Variants in PHLDB1 observed in about 807,000 individuals in gnomAD.
PHLDB1 encodes the protein pleckstrin homology like domain family B member 1.
Under a neutral mutation model 139.3 loss-of-function variants are expected in PHLDB1, and 65 were observed. The ratio of observed to expected loss-of-function variants is 0.47; its 90% CI spans 0.38 to 0.57. The LOEUF is 0.57. PHLDB1 is among the 20% of genes least tolerant of loss of function. PHLDB1 has a pLI of 0.00. For synonymous variants in PHLDB1, 679 were observed against 734.5 expected (o/e 0.92, Z 1.22); for missense variants, 1,624 against 1,839.7 (o/e 0.88, Z 2.14).
At chr11:118,639,909 G>A (rs1409005010) in intron 12 of PHLDB1, 2 of 986,126 alleles carry the variant, frequency 2.0e-6, no homozygotes, top group East Asian at 2.3e-4. Context: ...GGGGACTAAG[G>A]CTCTGGGCCT....
At chr11:118,616,002 T>C in intron 3 of PHLDB1, 39 bp from the exon 4 acceptor site, 1 of 1,571,146 alleles carries the variant, frequency 6.4e-7, no homozygotes. Flanking sequence ...CTCCTCAGCC[T>C]GGACAACCCC....
At position 118,644,069 on chromosome 11, in the gene PHLDB1, C is replaced by T. The variant is rs1400991075; in HGVS notation, c.3019-3C>T. Reference sequence around the variant, plus strand: ...CAGGTCCGAACTCTCCATTCCTCTGCAGAGCGCTCTACTCACCCAGAATGG... The same window carrying T: ...CAGGTCCGAACTCTCCATTCCTCTGTAGAGCGCTCTACTCACCCAGAATGG... On this transcript the variant is annotated splice_polypyrimidine_tract_variant and splice_region_variant and intron_variant, in intron 14 of 22. Coordinates refer to ENST00000600882, the MANE Select transcript of PHLDB1 (RefSeq NM_001144758.3). The T allele has an allele frequency of 2.5e-6, 4 of 1,613,246 alleles. No individual in the cohort carries two copies. In the Admixed American group the frequency reaches 5.0e-5, roughly 20 times the overall value.
rs529633155 is a variant in PHLDB1 at position 118,638,276 on chromosome 11, T to C, written c.2536-615T>C. 7.8e-4 allele frequency among the ~76,000 whole-genome samples: 119 copies of C among 152,330 alleles called. 1 individual carries two copies. The highest frequency in any genetic ancestry group is 3.9e-4 in the East Asian group (2 of 5,190). On this transcript the variant is annotated intron_variant, in intron 10 of 22. Transcript: ENST00000600882. ...AGCCCCGAATGCCTGGTAAGGAGTT[T>C]GTGCTTTATCCTGTGTGTAATGAGG...
rs1555081109 is a variant in PHLDB1, at chr11:118,608,843, C to G, written c.-22+1144C>G. On this transcript the variant is annotated intron_variant, in intron 1 of 22. Transcript: ENST00000600882. This position sits in a 1 kb window ranked among gnomAD's most constrained non-coding sequence, Gnocchi z 6.7. ...AAAGCGCCCCGCGCTCACGCAGCCC[C>G]TCACACCCGCAGCCCCGCTTACACG... is the stretch of plus-strand genomic sequence containing the variant. Among the ~76,000 whole-genome samples, 1 of 151,932 alleles carries G rather than the reference C, an allele frequency of 6.6e-6. No individual in the cohort carries two copies. The highest frequency in any genetic ancestry group is 1.5e-5 in the Non-Finnish European group (1 of 67,958).
intron 18 of PHLDB1, 106 bp downstream of exon 18, chr11:118,648,182 C>T: frequency 8.7e-7 from 1 of 1,150,918 alleles, no homozygotes; most frequent in Non-Finnish European, 1.2e-6. Context: ...CTGTTCTACT[C>T]CAGAAAAGAT....
Position 118,632,782 on chromosome 11 carries a change from T to C in PHLDB1, c.2379+486T>C. 1 of 832,906 alleles carries C rather than the reference T, an allele frequency of 1.2e-6. No homozygotes were observed. The highest frequency in any genetic ancestry group is 1.5e-6 in the Non-Finnish European group (1 of 687,448). The allele number at this position is 832,906 out of a possible 1,614,324, so 51.6% of individuals were successfully genotyped here. A position where few individuals can be genotyped will look rare whatever the true frequency, so the allele number is the denominator to read the frequency against. ...TGCAGCCTCCCATCCCAGGTGATCC[T>C]AGCTCCTGCCCCTGCCCCTTTCAGA... On this transcript the variant is annotated intron_variant, in intron 9 of 22. Transcript: ENST00000600882. The surrounding 1 kb of genome is among the most constrained non-coding windows in gnomAD (Gnocchi z 5.9).
chr11:118,613,436 G>A, intron 1 of PHLDB1: 1 of 994,064 alleles, frequency 1.0e-6, no homozygotes, highest in Non-Finnish European at 1.2e-6. Flanking sequence ...CTTCCTTGCT[G>A]CTTCTCCCAC....
Position 118,608,398 on chromosome 11 carries a change from C to T in PHLDB1, c.-22+699C>T, listed in dbSNP as rs751447179. On this transcript the variant is annotated intron_variant, in intron 1 of 22. Coordinates refer to ENST00000600882, the MANE Select transcript of PHLDB1 (RefSeq NM_001144758.3). This position sits in a 1 kb window ranked among gnomAD's most constrained non-coding sequence, Gnocchi z 6.7. Reference sequence around the variant, plus strand: ...CGGAGTTCCCCGAGCGGAGGCTGACCCAAGTCATCCGGGCTCCCCCGGGAT... The same window carrying T: ...CGGAGTTCCCCGAGCGGAGGCTGACTCAAGTCATCCGGGCTCCCCCGGGAT... Among the ~76,000 whole-genome samples, 22 of 152,306 alleles carry T rather than the reference C, an allele frequency of 1.4e-4. No individual in the cohort carries two copies. The highest frequency in any genetic ancestry group is 2.4e-4 in the Non-Finnish European group (16 of 68,018).
In PHLDB1 at chr11:118,632,161, C is replaced by A; in HGVS notation, c.2244C>A (p.Ala748=). The change falls in exon 9 of 23, where the codon GCC becomes GCA. Residue 748 remains alanine, a splice_region_variant and synonymous_variant. Transcript: ENST00000600882. This position sits in a 1 kb window ranked among gnomAD's most constrained non-coding sequence, Gnocchi z 5.9. ...EQQLQESARE[A]EMERALLQGE... ...GGGACCCTGGTGTCTGCCCCCAGGC[C>A]GAAATGGAGCGGGCACTGCTGCAGG... 6.2e-7 allele frequency: 1 copy of A among 1,613,964 alleles called. No homozygotes were observed. Among genetic ancestry groups the A allele is most frequent in the South Asian group, 1.1e-5 (1 of 91,072 alleles).
In PHLDB1 at chr11:118,657,890, G is replaced by A. The variant is rs7104850; in HGVS notation, c.*1067G>A. ...ACCAGGCCTCCAGCTGTCTGGCCTCGCCCTTCACGCCTTAACACTAAGCCC... is the reference window on the plus strand; with the variant it reads ...ACCAGGCCTCCAGCTGTCTGGCCTCACCCTTCACGCCTTAACACTAAGCCC... On this transcript the variant is annotated 3_prime_UTR_variant, in exon 23 of 23. Coordinates refer to ENST00000600882, the MANE Select transcript of PHLDB1 (RefSeq NM_001144758.3). 3.4e-4 allele frequency: 61 copies of A among 177,868 alleles called. No individual in the cohort carries two copies. The highest frequency in any genetic ancestry group is 9.2e-4 in the East Asian group (6 of 6,546). The allele number at this position is 177,868 out of a possible 1,614,324, so 11.0% of individuals were successfully genotyped here.
chr11:118,643,385 T>C, intron 13 of PHLDB1: 1 of 289,994 alleles, frequency 3.4e-6, no homozygotes, highest in Non-Finnish European at 5.2e-6. Context: ...AGTCTAGTCC[T>C]ACCCCCTTCT....
chr11:118,641,902 C>T (rs538165114), intron 12 of PHLDB1: 13 of 715,584 alleles, frequency 1.8e-5, no homozygotes, highest in Non-Finnish European at 2.4e-5. Context: ...TGCCCAGTGC[C>T]TGCAGGCTCT....
intron 20 of PHLDB1, chr11:118,651,785 CAAA>C (rs57871676): frequency 1.4e-4 from 17 of 118,330 alleles, no homozygotes; most frequent in Non-Finnish European, 1.8e-4. Context: ...GACGCCGTCT[CAAA>C]AAAAAAAAAA....
In PHLDB1 at chr11:118,639,218, G is replaced by C; in HGVS notation, c.2703G>C (p.Arg901Ser). 2 of 1,614,114 alleles carry C rather than the reference G, an allele frequency of 1.2e-6. No homozygotes were observed. Among genetic ancestry groups the C allele is most frequent in the Non-Finnish European group, 1.7e-6 (2 of 1,179,958 alleles). The change falls in exon 12 of 23, where the codon AGG becomes AGC. Residue 901 changes from arginine to serine, a missense_variant. Transcript: ENST00000600882. ...GATACCACTCACTCACAGGGGGCAG[G>C]CCTTTCCCGAAGACCACATCGACCC... Reference protein sequence around the residue: ...ERRYHSLTGGRPFPKTTSTLK... With the variant: ...ERRYHSLTGGSPFPKTTSTLK...
upstream of PHLDB1, chr11:118,607,446 T>G (rs1591400715): frequency 2.0e-5 from 2 of 100,582 alleles, no homozygotes; most frequent in Admixed American, 1.2e-4. Context: ...CTGGGGGAGG[T>G]GCTGCTGTGG....
intron 12 of PHLDB1, chr11:118,641,969 C>T (rs1946604804): frequency 1.8e-6 from 1 of 550,454 alleles, no homozygotes; most frequent in East Asian, 3.6e-5. Context: ...GGAAGTTGTA[C>T]CCTGACTGTT....
In PHLDB1 at chr11:118,608,036, C is replaced by T. The variant is rs1207496054; in HGVS notation, c.-22+337C>T. ...GCCGGCACCCAGGCGGCCGGGCGGA[C>T]ACTCGCGGGGTATCGGGCGGCGAGC... On this transcript the variant is annotated intron_variant, in intron 1 of 22. Transcript: ENST00000600882. This position sits in a 1 kb window ranked among gnomAD's most constrained non-coding sequence, Gnocchi z 6.7. Among the ~76,000 whole-genome samples the T allele has an allele frequency of 6.6e-6, 1 of 152,104 alleles. No homozygotes were observed. Among genetic ancestry groups the T allele is most frequent in the Non-Finnish European group, 1.5e-5 (1 of 67,974 alleles).
At position 118,644,224 on chromosome 11, in the gene PHLDB1, TA is replaced by T. The variant is rs781943278; in HGVS notation, c.3121+51del. On this transcript the variant is annotated intron_variant, in intron 15 of 22. Coordinates refer to ENST00000600882, the MANE Select transcript of PHLDB1 (RefSeq NM_001144758.3). ...CCTGCTCTCCTGAGGGGACCCTGGG[TA>T]GTTGCCATGCCTCCTCTATGCTCAC... 10 of 1,300,278 alleles carry T rather than the reference TA, an allele frequency of 7.7e-6. No individual in the cohort carries two copies. In the Admixed American group the frequency reaches 1.8e-4, roughly 23 times the overall value. The allele number at this position is 1,300,278 out of a possible 1,614,324, so 80.5% of individuals were successfully genotyped here.
rs1555109606 is a variant in PHLDB1, at chr11:118,631,222, G to A, written c.1843G>A (p.Glu615Lys). 5 of 1,430,656 alleles carry A rather than the reference G, an allele frequency of 3.5e-6. No individual in the cohort carries two copies. Among genetic ancestry groups the A allele is most frequent in the Non-Finnish European group, 4.6e-6 (5 of 1,088,102 alleles). The allele number at this position is 1,430,656 out of a possible 1,614,324, so 88.6% of individuals were successfully genotyped here. The change falls in exon 7 of 23, where the codon GAG becomes AAG. Residue 615 changes from glutamate (E) to lysine (K), a missense_variant. Glu to Lys is a moderately conservative substitution (Grantham distance 56, BLOSUM62 1). Coordinates refer to ENST00000600882, the MANE Select transcript of PHLDB1 (RefSeq NM_001144758.3). ...TCCTCCCCAGGAACGCCAGCGCCTG[G>A]AGACCATCCTGAACCTGTGTGCCGA... ...EMERLERQRL[E>K]TILNLCAEYS...
Sources: allele counts gnomAD v4.1 joint callset (sites outside exome capture counted in the v4.1 genomes callset), GRCh38; gene constraint gnomAD v4.1.1; non-coding constraint Gnocchi (gnomAD v3.1); transcripts MANE v1.5; gene names NCBI Gene and HGNC (gene_info 2026-07-23, HGNC 2026-07-21).